Variants in INPP4B observed in about 807,000 individuals in gnomAD.
INPP4B encodes the protein inositol polyphosphate 4-phosphatase type II.
A neutral mutation model predicts 122.5 loss-of-function variants in INPP4B; 55 were observed. That is an observed-to-expected ratio of 0.45 (90% CI 0.36 to 0.56). The LOEUF is 0.56. Ranked by LOEUF, INPP4B falls within the 20% of genes least tolerant of loss-of-function variation. INPP4B has a pLI of 0.00. For synonymous variants in INPP4B, 403 were observed against 388.7 expected, an observed-to-expected ratio of 1.04 and a Z score of -0.43; for missense variants, 1,000 against 1,097.7, an observed-to-expected ratio of 0.91 and a Z score of 1.26.
chr4:142,131,970 CA>C (rs1801526389), intron 18 of INPP4B, among the ~76,000 whole-genome samples: 1 of 148,642 alleles, frequency 6.7e-6, no homozygotes, highest in Non-Finnish European at 1.5e-5. Flanking sequence ...AAAAAAAAAA[CA>C]AAAATATTAC....
At chr4:142,537,105 T>C (rs1032736101) in intron 2 of INPP4B, among the ~76,000 whole-genome samples, 3 of 152,008 alleles carry the variant, frequency 2.0e-5, no homozygotes, top group African/African-American at 4.8e-5. Flanking sequence ...AGGACAACTG[T>C]TCTTAACAGG....
intron 18 of INPP4B, among the ~76,000 whole-genome samples, chr4:142,133,431 G>A (rs190095315): frequency 1.8e-3 from 272 of 152,112 alleles, no homozygotes; most frequent in African/African-American, 6.0e-3. Context: ...CTTCTTCTTC[G>A]TCCAAGCTCA....
At chr4:142,840,363 T>C (rs189307330) in intron 1 of INPP4B, among the ~76,000 whole-genome samples, 1,733 of 152,306 alleles carry the variant, frequency 0.011, 19 homozygotes, top group Middle Eastern at 0.054. Flanking sequence ...ATGCAAATGG[T>C]TAATACAATA....
chr4:142,246,530 T>G (rs1728931117), intron 11 of INPP4B, among the ~76,000 whole-genome samples: 1 of 152,162 alleles, frequency 6.6e-6, no homozygotes, highest in African/African-American at 2.4e-5. Flanking sequence ...TAAATTGTAT[T>G]CCTAGGTATT....
chr4:142,154,930 T>G (rs547120473), intron 17 of INPP4B, among the ~76,000 whole-genome samples: 3 of 151,982 alleles, frequency 2.0e-5, no homozygotes, highest in Non-Finnish European at 4.4e-5. Flanking sequence ...TATAAACAAC[T>G]GATTATAATC....
At chr4:142,774,290 C>G in intron 1 of INPP4B, among the ~76,000 whole-genome samples, 1 of 144,708 alleles carries the variant, frequency 6.9e-6, no homozygotes, top group East Asian at 2.0e-4. Context: ...GATGAAGACA[C>G]CTTCGGGCTT....
chr4:142,099,950 G>C (rs1419725970), intron 23 of INPP4B, among the ~76,000 whole-genome samples: 1 of 152,110 alleles, frequency 6.6e-6, no homozygotes, highest in Non-Finnish European at 1.5e-5. Flanking sequence ...ATCCAAGCAA[G>C]TGGTTCTCAG....
chr4:142,817,715 A>G (rs1039658333), intron 1 of INPP4B, among the ~76,000 whole-genome samples: 2 of 152,218 alleles, frequency 1.3e-5, no homozygotes, highest in African/African-American at 4.8e-5. Flanking sequence ...TCAGCTTTCA[A>G]CTAGAACTAA....
chr4:142,249,369 C>G (rs1278357360), intron 11 of INPP4B, among the ~76,000 whole-genome samples: 2 of 151,462 alleles, frequency 1.3e-5, no homozygotes, highest in Non-Finnish European at 2.9e-5. Context: ...AATAATTTTA[C>G]CAAAAAAAGA....
intron 2 of INPP4B, among the ~76,000 whole-genome samples, chr4:142,628,896 A>G (rs1020387508): frequency 2.6e-5 from 4 of 152,102 alleles, no homozygotes; most frequent in African/African-American, 9.7e-5. Flanking sequence ...ATAACACAAA[A>G]TATTTATTTC....
chr4:142,055,881 T>G (rs950245135), intron 25 of INPP4B, among the ~76,000 whole-genome samples: 1 of 151,870 alleles, frequency 6.6e-6, no homozygotes, highest in African/African-American at 2.4e-5. Flanking sequence ...TTATTTCTAT[T>G]ACATTGTGAT....
chr4:142,456,203 G>A (rs1041262844), intron 3 of INPP4B, among the ~76,000 whole-genome samples: 4 of 151,944 alleles, frequency 2.6e-5, no homozygotes, highest in African/African-American at 7.2e-5. Flanking sequence ...ATGCTTGTGG[G>A]GTACTCCTCA....
chr4:142,356,508 C>T (rs1783660557), intron 7 of INPP4B, among the ~76,000 whole-genome samples: 1 of 151,714 alleles, frequency 6.6e-6, no homozygotes, highest in African/African-American at 2.4e-5. Context: ...AAGACCAGGA[C>T]CTGCAGGAGT....
chr4:142,120,419 G>A (rs1273509374), intron 21 of INPP4B, among the ~76,000 whole-genome samples: 1 of 152,022 alleles, frequency 6.6e-6, no homozygotes, highest in African/African-American at 2.4e-5. Context: ...GATCAATTAT[G>A]GAGAATTACT....
intron 2 of INPP4B, among the ~76,000 whole-genome samples, chr4:142,709,623 T>C (rs192531177): frequency 2.2e-3 from 342 of 152,286 alleles, no homozygotes; most frequent in Middle Eastern, 0.017. Flanking sequence ...CCTCCCACCA[T>C]GAGTGTAAGT....
chr4:142,484,813 C>T (rs1045144773), intron 2 of INPP4B, among the ~76,000 whole-genome samples: 7 of 151,920 alleles, frequency 4.6e-5, no homozygotes, highest in African/African-American at 1.7e-4. Flanking sequence ...CTCTATGTGT[C>T]CACGTTTTCT....
intron 14 of INPP4B, 137 bp from the exon 15 acceptor site, chr4:142,193,332 C>T: frequency 1.7e-6 from 1 of 577,932 alleles, no homozygotes; most frequent in Non-Finnish European, 3.1e-6. Flanking sequence ...TATGAACTCA[C>T]ATCTCAAGGG....
At chr4:142,337,437 T>A (rs1356418243) in intron 7 of INPP4B, among the ~76,000 whole-genome samples, 1 of 151,860 alleles carries the variant, frequency 6.6e-6, no homozygotes, top group East Asian at 1.9e-4. Context: ...TAAGAAAGTT[T>A]TACATCCTTA....
chr4:142,306,552 C>T (rs539414093), intron 8 of INPP4B, among the ~76,000 whole-genome samples: 1 of 152,112 alleles, frequency 6.6e-6, no homozygotes, highest in Non-Finnish European at 1.5e-5. Flanking sequence ...GCATCTTTTT[C>T]GAGGTAAATA....
Sources: gnomAD v4.1 joint callset for allele counts (sites outside exome capture counted in the v4.1 genomes callset) on GRCh38, gnomAD v4.1.1 for gene constraint, MANE v1.5 for transcripts, NCBI Gene and HGNC (gene_info 2026-07-23, HGNC 2026-07-21) for gene names.